The following SPMIP9 variants were observed in gnomAD, a reference collection of about 807,000 sequenced individuals.
The protein encoded by SPMIP9 is protein SPMIP9.
chr2:88,528,853 G>A, the SPMIP9 span, among the ~76,000 whole-genome samples: 17 of 152,292 alleles, frequency 1.1e-4, no homozygotes, highest in South Asian at 3.5e-3. Flanking sequence ...GAGGAGAGTG[G>A]GAAAGAGACT....
At chr2:88,529,066 T>A in the SPMIP9 span, 1 of 1,612,206 alleles carries the variant, frequency 6.2e-7, no homozygotes, top group South Asian at 1.1e-5. Context: ...CAAAGCTCGA[T>A]GCTCAACTCC....
chr2:88,528,538 G>C, the SPMIP9 span, among the ~76,000 whole-genome samples: 3 of 152,152 alleles, frequency 2.0e-5, no homozygotes, highest in Non-Finnish European at 4.4e-5. Context: ...AATTCTAATT[G>C]TTAATATAGT....
chr2:88,525,434 C>G, the SPMIP9 span, among the ~76,000 whole-genome samples: 1 of 152,210 alleles, frequency 6.6e-6, no homozygotes, highest in Non-Finnish European at 1.5e-5. Context: ...GAGTCCTGCT[C>G]CAGCCCCTTT....
the SPMIP9 span, among the ~76,000 whole-genome samples, chr2:88,528,213 C>T: frequency 1.3e-5 from 2 of 150,866 alleles, no homozygotes; most frequent in African/African-American, 4.9e-5. Flanking sequence ...TCTTGGCTCA[C>T]TGCAACCTCC....
chr2:88,526,491 G>T, the SPMIP9 span: 4 of 1,613,440 alleles, frequency 2.5e-6, no homozygotes, highest in Admixed American at 1.7e-5. Flanking sequence ...GGGTCACGCC[G>T]CAAGAGGTAG....
chr2:88,526,526 A>G, the SPMIP9 span: 3 of 1,530,338 alleles, frequency 2.0e-6, no homozygotes, highest in Admixed American at 5.0e-5. Flanking sequence ...CCTGTCATTC[A>G]ATCAACTGCC....
the SPMIP9 span, chr2:88,526,465 A>T: frequency 6.2e-7 from 1 of 1,614,110 alleles, no homozygotes; most frequent in Non-Finnish European, 8.5e-7. Flanking sequence ...GCCCTACAGG[A>T]AGCACAAATA....
chr2:88,525,531 G>T, the SPMIP9 span: 1 of 1,219,762 alleles, frequency 8.2e-7, no homozygotes. Context: ...GGAGGAGTGG[G>T]CTAAGAAAGC....
the SPMIP9 span, chr2:88,529,037 G>A: frequency 6.2e-7 from 1 of 1,602,816 alleles, no homozygotes; most frequent in Admixed American, 1.7e-5. Context: ...ATTCATGTGT[G>A]ATTTGTTTCC....
At chr2:88,525,741 G>C in the SPMIP9 span, 53 of 1,525,112 alleles carry the variant, frequency 3.5e-5, no homozygotes, top group Non-Finnish European at 4.5e-5. Context: ...GCCCTGGAAG[G>C]GCCAGGCTCT....
At chr2:88,527,765 A>G in the SPMIP9 span, among the ~76,000 whole-genome samples, 48 of 152,322 alleles carry the variant, frequency 3.2e-4, no homozygotes, top group Middle Eastern at 3.4e-3. Context: ...CTAATGTTCA[A>G]GAGTTTATCC....
the SPMIP9 span, chr2:88,529,064 G>A: frequency 2.9e-5 from 46 of 1,611,440 alleles, no homozygotes; most frequent in Admixed American, 6.7e-5. Flanking sequence ...GGCAAAGCTC[G>A]ATGCTCAACT....
the SPMIP9 span, among the ~76,000 whole-genome samples, chr2:88,528,809 C>G: frequency 6.6e-6 from 1 of 152,174 alleles, no homozygotes; most frequent in Non-Finnish European, 1.5e-5. Context: ...GCACTGATAG[C>G]AGTGGTTGTC....
chr2:88,527,656 GT>G, the SPMIP9 span, among the ~76,000 whole-genome samples: 1 of 152,054 alleles, frequency 6.6e-6, no homozygotes, highest in African/African-American at 2.4e-5. Flanking sequence ...CGTATTTGTC[GT>G]TTCTGTATCT....
the SPMIP9 span, among the ~76,000 whole-genome samples, chr2:88,528,875 A>C: frequency 6.6e-6 from 1 of 152,230 alleles, no homozygotes; most frequent in Non-Finnish European, 1.5e-5. Flanking sequence ...ACGTTTCACT[A>C]TAAACCCTTT....
chr2:88,526,349 T>G, the SPMIP9 span: 4 of 1,400,826 alleles, frequency 2.9e-6, no homozygotes, highest in Admixed American at 6.7e-5. Context: ...ATTGAATGGC[T>G]TTAAGTGGAG....
At chr2:88,526,670 T>C in the SPMIP9 span, among the ~76,000 whole-genome samples, 2 of 152,208 alleles carry the variant, frequency 1.3e-5, no homozygotes, top group Middle Eastern at 3.4e-3. Flanking sequence ...GTGTGTATTT[T>C]TTTTTTCTTT....
chr2:88,529,027 A>T, the SPMIP9 span: 1 of 1,597,166 alleles, frequency 6.3e-7, no homozygotes, highest in Non-Finnish European at 8.5e-7. Flanking sequence ...TCACCCCTCC[A>T]TTCATGTGTG....
the SPMIP9 span, chr2:88,525,577 TAGTGGCTACTTTCCTTGTCTGTGGCAG>T: frequency 3.1e-6 from 5 of 1,596,430 alleles, no homozygotes; most frequent in Non-Finnish European, 4.3e-6. Flanking sequence ...AGCTTGAAGA[TAGTGGCTACTTTCCTTGTCTGTGGCAG>T]AGCAGGGCTA....
Sources: allele counts gnomAD v4.1 joint callset (sites outside exome capture counted in the v4.1 genomes callset), GRCh38; gene constraint gnomAD v4.1.1; transcripts MANE v1.5; gene names NCBI Gene and HGNC (gene_info 2026-07-23, HGNC 2026-07-21).